BNC2: variants seen among roughly 807,000 people sequenced by gnomAD.
BNC2 encodes the protein basonuclin zinc finger protein 2.
BNC2 carries 20 observed loss-of-function variants against 76.3 expected under a neutral mutation model. The ratio of observed to expected loss-of-function variants is 0.26; its 90% confidence interval spans 0.18 to 0.38. The LOEUF (loss-of-function observed/expected upper bound fraction) is 0.38. Ranked by LOEUF, BNC2 falls within the 10% of genes least tolerant of loss-of-function variation. BNC2 has a pLI of 1.00. For missense variants in BNC2, 1,382 were observed against 1,399.8 expected (o/e 0.99, Z 0.20); for synonymous variants, 582 against 514.8 (o/e 1.13, Z -1.77).
chr9:16,687,402 A>G (rs539104142), intron 3 of BNC2, among the ~76,000 whole-genome samples: 2 of 152,310 alleles, frequency 1.3e-5, no homozygotes, highest in African/African-American at 4.8e-5. Context: ...CTGAGGAATA[A>G]GAAAGAAATG....
chr9:16,701,438 T>A (rs1464420154), intron 3 of BNC2, among the ~76,000 whole-genome samples: 1 of 152,146 alleles, frequency 6.6e-6, no homozygotes, highest in Non-Finnish European at 1.5e-5. Flanking sequence ...TAAGCATAAA[T>A]AAGATATCAT....
At chr9:16,820,759 A>C (rs1398543311) in intron 1 of BNC2, among the ~76,000 whole-genome samples, 1 of 152,146 alleles carries the variant, frequency 6.6e-6, no homozygotes, top group Non-Finnish European at 1.5e-5. Flanking sequence ...TGAAGTTGAC[A>C]AACAACTGTT....
In BNC2 at chr9:16,665,486, GAA is replaced by G. The variant is rs950270671; in HGVS notation, c.330+62309_330+62310del. Among the ~76,000 whole-genome samples, 310 of 135,036 alleles carry G rather than the reference GAA, an allele frequency of 2.3e-3. 1 individual carries two copies. The highest frequency in any genetic ancestry group is 7.7e-3 in the African/African-American group (257 of 33,194). The allele number at this position is 135,036 out of a possible 152,430, so 88.6% of individuals were successfully genotyped here. A position where few individuals can be genotyped will look rare whatever the true frequency, so the allele number is the denominator to read the frequency against. On this transcript the variant is annotated intron_variant, in intron 3 of 6. Coordinates refer to ENST00000380672, the MANE Select transcript of BNC2 (RefSeq NM_017637.6). ...AGAAAGAAAGAAAGAAAGAAAGAAAGAAAGAGAGAGAGAGAAATCACAGCAAA... is the reference window on the plus strand; with the variant it reads ...AGAAAGAAAGAAAGAAAGAAAGAAAGAGAGAGAGAGAGAAATCACAGCAAA...
chr9:16,553,138 A>AC (rs1818716028), intron 4 of BNC2, among the ~76,000 whole-genome samples: 2 of 151,902 alleles, frequency 1.3e-5, no homozygotes, highest in Admixed American at 6.6e-5. Flanking sequence ...GGTGTCCCCT[A>AC]CCCCCCACCA....
chr9:16,662,509 G>A (rs1212195614), intron 3 of BNC2, among the ~76,000 whole-genome samples: 2 of 152,188 alleles, frequency 1.3e-5, no homozygotes, highest in Non-Finnish European at 2.9e-5. Context: ...ACCAAGGCAG[G>A]TGCATCACCT....
chr9:16,656,788 T>C (rs934567510), intron 3 of BNC2, among the ~76,000 whole-genome samples: 2 of 152,202 alleles, frequency 1.3e-5, no homozygotes, highest in Non-Finnish European at 2.9e-5. Flanking sequence ...CTGGGACTTA[T>C]TCATCTTATA....
chr9:16,503,623 C>CA (rs957337556), intron 5 of BNC2, among the ~76,000 whole-genome samples: 5 of 152,070 alleles, frequency 3.3e-5, no homozygotes, highest in Admixed American at 3.3e-4. Flanking sequence ...AGCAGTCTCT[C>CA]AAAAAAATCT....
chr9:16,554,431 C>T (rs1346561778), intron 4 of BNC2, among the ~76,000 whole-genome samples: 1 of 152,194 alleles, frequency 6.6e-6, no homozygotes, highest in Non-Finnish European at 1.5e-5. Flanking sequence ...CATTTACTCC[C>T]AGGAATACTT....
At chr9:16,732,880 G>A (rs950907587) in intron 2 of BNC2, among the ~76,000 whole-genome samples, 4 of 152,008 alleles carry the variant, frequency 2.6e-5, no homozygotes, top group African/African-American at 9.7e-5. Context: ...TTATTTTATA[G>A]AAAAAAATGT....
At chr9:16,811,552 CAAAAAAAAAAAAAA>C (rs1179927173) in intron 1 of BNC2, among the ~76,000 whole-genome samples, 1 of 58,040 alleles carries the variant, frequency 1.7e-5, no homozygotes, top group Non-Finnish European at 2.8e-5. Context: ...AACTCCATCT[CAAAAAAAAAAAAAA>C]AAAAAAAAAC....
chr9:16,786,307 G>C (rs2135594765), intron 1 of BNC2, among the ~76,000 whole-genome samples: 1 of 152,218 alleles, frequency 6.6e-6, no homozygotes, highest in East Asian at 1.9e-4. Flanking sequence ...AAAATGTGGA[G>C]AAAGACTGAG....
At chr9:16,823,418 C>T (rs1818384474) in intron 1 of BNC2, among the ~76,000 whole-genome samples, 1 of 127,880 alleles carries the variant, frequency 7.8e-6, no homozygotes. Flanking sequence ...TAGTGAGATC[C>T]TGTCTCTACA....
intron 3 of BNC2, among the ~76,000 whole-genome samples, chr9:16,605,052 T>C (rs1312124383): frequency 6.6e-6 from 1 of 152,140 alleles, no homozygotes; most frequent in Non-Finnish European, 1.5e-5. Flanking sequence ...AATGACTTCA[T>C]GTGATGTCCC....
At chr9:16,463,247 A>T (rs1821623551) in intron 5 of BNC2, among the ~76,000 whole-genome samples, 1 of 151,892 alleles carries the variant, frequency 6.6e-6, no homozygotes, top group African/African-American at 2.4e-5. Context: ...GTTAACAAAA[A>T]TGACTATGCT....
At chr9:16,678,267 C>CTTTTTTTTTTTTTTTTTTTT (rs140809930) in intron 3 of BNC2, among the ~76,000 whole-genome samples, 4 of 80,736 alleles carry the variant, frequency 5.0e-5, no homozygotes, top group African/African-American at 1.7e-4. Flanking sequence ...CTTTCTTTTT[C>CTTTTTTTTTTTTTTTTTTTT]TTTTTTTTTT....
intron 5 of BNC2, among the ~76,000 whole-genome samples, chr9:16,533,680 G>A (rs117309001): frequency 0.012 from 1,819 of 152,180 alleles, 17 homozygotes; most frequent in Non-Finnish European, 0.018. Context: ...TCAATCTGTC[G>A]TTTATAAACT....
chr9:16,675,110 C>A (rs1389285960), intron 3 of BNC2, among the ~76,000 whole-genome samples: 1 of 152,184 alleles, frequency 6.6e-6, no homozygotes, highest in African/African-American at 2.4e-5. Flanking sequence ...GGAAACCTGC[C>A]AAGACAACTA....
At chr9:16,719,149 T>C (rs1824074831) in intron 3 of BNC2, among the ~76,000 whole-genome samples, 1 of 152,176 alleles carries the variant, frequency 6.6e-6, no homozygotes, top group Non-Finnish European at 1.5e-5. Context: ...AGGGACACTC[T>C]CATGAATATG....
At chr9:16,592,362 G>C (rs1489765290) in intron 3 of BNC2, among the ~76,000 whole-genome samples, 1 of 151,938 alleles carries the variant, frequency 6.6e-6, no homozygotes, top group African/African-American at 2.4e-5. Context: ...CCATAAAAAG[G>C]AATGAACCAC....
Sources: allele counts gnomAD v4.1 joint callset (sites outside exome capture counted in the v4.1 genomes callset), GRCh38; gene constraint gnomAD v4.1.1; transcripts MANE v1.5; gene names NCBI Gene and HGNC (gene_info 2026-07-23, HGNC 2026-07-21).